The following MAPK9 variants were observed in gnomAD, a reference collection of about 807,000 sequenced individuals.
MAPK9 encodes the protein Jun kinase.
A neutral mutation model predicts 57.1 loss-of-function variants in MAPK9; 30 were observed. That is an observed-to-expected ratio of 0.53 (90% CI 0.39 to 0.71). The LOEUF (loss-of-function observed/expected upper bound fraction) is 0.71. MAPK9 is among the 30% of genes least tolerant of loss of function. MAPK9 has a pLI of 0.00. For synonymous variants in MAPK9, 155 were observed against 177.0 expected (o/e 0.88, Z 0.99); for missense variants, 362 against 521.0 (o/e 0.69, Z 2.97).
intron 2 of MAPK9, chr5:180,279,689 A>T (rs1453430322): frequency 2.8e-6 from 1 of 358,548 alleles, no homozygotes; most frequent in African/African-American, 2.2e-5. Flanking sequence ...TGACCAAAAA[A>T]AAAGAAAAAG....
At chr5:180,241,759 A>G (rs1757680889) in intron 8 of MAPK9, among the ~76,000 whole-genome samples, 1 of 152,190 alleles carries the variant, frequency 6.6e-6, no homozygotes, top group Admixed American at 6.5e-5. Context: ...ATGTCTGGGC[A>G]GGGCCCAAGG....
Position 180,280,439 on chromosome 5 carries a change from C to G in MAPK9, c.122+1G>C. On this transcript the variant is annotated splice_donor_variant, in intron 2 of 11. Coordinates refer to ENST00000452135, the MANE Select transcript of MAPK9 (RefSeq NM_002752.5). LOFTEE classifies it high-confidence loss of function. The stretch of plus-strand genomic sequence containing the variant: ...ACGCTATTAAAACAGACCATACTTA[C>G]CAAACAATCCCTTGGGCCCCAGAGC... 6.2e-7 allele frequency: 1 copy of G among 1,613,894 alleles called. No individual in the cohort carries two copies. Among genetic ancestry groups the G allele is most frequent in the Non-Finnish European group, 8.5e-7 (1 of 1,179,946 alleles).
chr5:180,240,100 T>A, intron 9 of MAPK9, 113 bp from the exon 10 acceptor site: 1 of 743,176 alleles, frequency 1.3e-6, no homozygotes, highest in South Asian at 1.6e-5. Context: ...ATGGATTTAG[T>A]TTAATTCAAC....
chr5:180,286,441 G>A (rs866954412), intron 1 of MAPK9, among the ~76,000 whole-genome samples: 1 of 151,630 alleles, frequency 6.6e-6, no homozygotes, highest in African/African-American at 2.4e-5. Flanking sequence ...ACCGCGCCTG[G>A]CCTCCTACTG....
chr5:180,288,681 C>T (rs1457214319), intron 1 of MAPK9, among the ~76,000 whole-genome samples: 1 of 152,160 alleles, frequency 6.6e-6, no homozygotes, highest in Admixed American at 6.6e-5. Flanking sequence ...TCCGAGCTAC[C>T]CTACCACATT....
intron 1 of MAPK9, among the ~76,000 whole-genome samples, chr5:180,282,507 C>A (rs1762395075): frequency 6.6e-6 from 1 of 152,180 alleles, no homozygotes; most frequent in Non-Finnish European, 1.5e-5. Context: ...CTGGCAGGGG[C>A]AGAAGACAAG....
rs181118929 is a variant in MAPK9, at chr5:180,286,433, C to T, written c.-48+5415G>A. 8.6e-5 allele frequency among the ~76,000 whole-genome samples: 13 copies of T among 151,698 alleles called. 1 individual carries two copies. The East Asian group carries it at 2.2e-3, about 26-fold the overall frequency. ...TGCTGGGATTACAGGCGTGAGCCAC[C>T]GCGCCTGGCCTCCTACTGTAATTCT... is the stretch of plus-strand genomic sequence containing the variant. On this transcript the variant is annotated intron_variant, in intron 1 of 11. Coordinates refer to ENST00000452135, the MANE Select transcript of MAPK9 (RefSeq NM_002752.5).
At position 180,233,503 on chromosome 5, in the gene MAPK9, CTG is replaced by C. The variant is rs1436132374; in HGVS notation, c.*2879_*2880del. On this transcript the variant is annotated 3_prime_UTR_variant, in exon 12 of 12. Transcript: ENST00000452135. Reference sequence around the variant, plus strand: ...AAAAGCATGACACTTTATCATCTATCTGTGTTCATGTTAAATCTGTCATCAGA... The same window carrying C: ...AAAAGCATGACACTTTATCATCTATCTGTTCATGTTAAATCTGTCATCAGA... 5 of 152,202 alleles carry C rather than the reference CTG, an allele frequency of 3.3e-5. No homozygotes were observed. The highest frequency in any genetic ancestry group is 5.9e-5 in the Non-Finnish European group (4 of 68,054). 9.4% of individuals were successfully genotyped at this position (152,202 alleles called of 1,614,324 possible).
At chr5:180,262,227 C>A (rs1723697689) in intron 4 of MAPK9, among the ~76,000 whole-genome samples, 1 of 152,120 alleles carries the variant, frequency 6.6e-6, no homozygotes, top group Non-Finnish European at 1.5e-5. Flanking sequence ...GACAGGAACT[C>A]AGTACCTCCC....
chr5:180,257,378 T>C (rs1056787835), intron 5 of MAPK9, among the ~76,000 whole-genome samples: 3 of 152,236 alleles, frequency 2.0e-5, no homozygotes, highest in Non-Finnish European at 4.4e-5. Context: ...GCTGTTCTTG[T>C]CTCTCACTAG....
intron 1 of MAPK9, among the ~76,000 whole-genome samples, chr5:180,282,408 G>T (rs1209911131): frequency 1.3e-5 from 2 of 152,172 alleles, no homozygotes. Context: ...CGCGAGCAGT[G>T]AGTCCATTAT....
intron 1 of MAPK9, among the ~76,000 whole-genome samples, chr5:180,283,671 C>CACA (rs1443062903): frequency 1.3e-5 from 2 of 152,230 alleles, no homozygotes; most frequent in Non-Finnish European, 2.9e-5. Flanking sequence ...CATGGTGGCT[C>CACA]ACACCTGTAA....
At chr5:180,251,729 C>A (rs952044474) in intron 5 of MAPK9, among the ~76,000 whole-genome samples, 4 of 77,578 alleles carry the variant, frequency 5.2e-5, no homozygotes, top group Admixed American at 4.3e-4. Context: ...AAGTACAGAT[C>A]CAAGTGACGC....
intron 2 of MAPK9, among the ~76,000 whole-genome samples, chr5:180,274,761 G>A (rs1054651837): frequency 6.6e-6 from 1 of 152,190 alleles, no homozygotes; most frequent in African/African-American, 2.4e-5. Flanking sequence ...TAATCAATAG[G>A]TGTTGTTTTA....
At chr5:180,270,726 C>T (rs1309116155) in intron 2 of MAPK9, among the ~76,000 whole-genome samples, 2 of 151,930 alleles carry the variant, frequency 1.3e-5, no homozygotes, top group Non-Finnish European at 2.9e-5. Flanking sequence ...TGGTGCATGT[C>T]TGTAGACCCA....
rs866341695 is a variant in MAPK9 at position 180,269,150 on chromosome 5, C to A, written c.252+130G>T. ...AAACAAAAAAACAAAAAACAAAAAA[C>A]CAATGTTAATAGCCATTTTTATCCT... On this transcript the variant is annotated intron_variant, in intron 3 of 11. Coordinates refer to ENST00000452135, the MANE Select transcript of MAPK9 (RefSeq NM_002752.5). 3 of 1,017,010 alleles carry A rather than the reference C, an allele frequency of 2.9e-6. No homozygotes were observed. In the Middle Eastern group the frequency reaches 8.9e-4, roughly 303 times the overall value. The allele number at this position is 1,017,010 out of a possible 1,614,324, so 63.0% of individuals were successfully genotyped here.
At chr5:180,269,880 A>G (rs1761094390) in intron 2 of MAPK9, among the ~76,000 whole-genome samples, 1 of 152,250 alleles carries the variant, frequency 6.6e-6, no homozygotes, top group South Asian at 2.1e-4. Context: ...TTTTTCACAA[A>G]TAACAGTATC....
chr5:180,238,109 A>C, intron 11 of MAPK9: 1 of 354,372 alleles, frequency 2.8e-6, no homozygotes, highest in Non-Finnish European at 5.3e-6. Context: ...GTCTCTACTA[A>C]AAATACAAAA....
chr5:180,236,978 T>A (rs191260619), intron 11 of MAPK9: 3 of 152,484 alleles, frequency 2.0e-5, no homozygotes, highest in Admixed American at 1.3e-4. Context: ...GCATCAACTT[T>A]CAAAGAAATC....
Sources: gnomAD v4.1 joint callset for allele counts (sites outside exome capture counted in the v4.1 genomes callset) on GRCh38, gnomAD v4.1.1 for gene constraint, MANE v1.5 for transcripts, NCBI Gene and HGNC (gene_info 2026-07-23, HGNC 2026-07-21) for gene names.